SECTM1: variants seen among roughly 807,000 people sequenced by gnomAD.
SECTM1 encodes the protein secreted and transmembrane protein 1.
A neutral mutation model predicts 18.1 loss-of-function variants in SECTM1; 10 were observed. The ratio of observed to expected loss-of-function variants is 0.55; its 90% CI spans 0.34 to 0.94. SECTM1 has a LOEUF of 0.94. SECTM1 is among the 40% of genes least tolerant of loss of function. The pLI is 0.02. For synonymous variants in SECTM1, 137 were observed against 139.2 expected (o/e 0.98, Z 0.11); for missense variants, 297 against 322.6 (o/e 0.92, Z 0.61).
intron 3 of SECTM1, among the ~76,000 whole-genome samples, chr17:82,323,523 G>T (rs1346183100): frequency 6.8e-6 from 1 of 147,294 alleles, no homozygotes; most frequent in African/African-American, 2.5e-5. Context: ...GGCCGTGGAG[G>T]CTCCTGAGCT....
rs1263436325 is a variant in SECTM1, at chr17:82,330,902, G to A, written c.-53+2798C>T. On this transcript the variant is annotated intron_variant, in intron 1 of 4. Transcript: ENST00000269389. The surrounding 1 kb of genome is among the most constrained non-coding windows in gnomAD (Gnocchi z 6.1). Reference sequence around the variant, plus strand: ...GTCTCAGCCCCTGGCGGCCTGGACTGCACCGTTCCGGAGATGCTGCCTCCC... The same window carrying A: ...GTCTCAGCCCCTGGCGGCCTGGACTACACCGTTCCGGAGATGCTGCCTCCC... 6.6e-6 allele frequency among the ~76,000 whole-genome samples: 1 copy of A among 152,112 alleles called. No homozygotes were observed. The highest frequency in any genetic ancestry group is 1.5e-5 in the Non-Finnish European group (1 of 67,986).
rs527785012 is a variant in SECTM1, at chr17:82,328,866, G to A, written c.-52-1574C>T. On this transcript the variant is annotated intron_variant, in intron 1 of 4. Transcript: ENST00000269389. This position sits in a 1 kb window ranked among gnomAD's most constrained non-coding sequence, Gnocchi z 5.8. ...GCTAGGAAAAGTCCCTAGGTAGGGC[G>A]GCAACTCCAGCCCTGCCTCTCCCAG... Among the ~76,000 whole-genome samples the A allele has an allele frequency of 2.0e-5, 3 of 152,234 alleles. No homozygotes were observed. Among genetic ancestry groups the A allele is most frequent in the South Asian group, 2.1e-4 (1 of 4,828 alleles).
In SECTM1 at chr17:82,324,517, G is replaced by GCCCCCC; in HGVS notation, c.403+64_403+65insGGGGGG. On this transcript the variant is annotated intron_variant, in intron 3 of 4. Coordinates refer to ENST00000269389, the MANE Select transcript of SECTM1 (RefSeq NM_003004.3). ...CAGTCTCAGCCCTCCCCCTGCCCAG[G>GCCCCCC]CCCCCTCCCCTCCCCGTGTCCCCTC... 4 of 604,114 alleles carry GCCCCCC rather than the reference G, an allele frequency of 6.6e-6. No homozygotes were observed. The South Asian group carries it at 8.8e-5, about 13-fold the overall frequency. 37.4% of individuals were successfully genotyped at this position (604,114 alleles called of 1,614,324 possible).
At chr17:82,333,207 T>G (rs1015608882) in intron 1 of SECTM1, among the ~76,000 whole-genome samples, 5 of 152,160 alleles carry the variant, frequency 3.3e-5, no homozygotes, top group Admixed American at 6.5e-5. Context: ...TATGAGCGAG[T>G]GCGTTTTGCT....
In SECTM1 at chr17:82,329,403, G is replaced by A. The variant is rs73999888; in HGVS notation, c.-52-2111C>T. On this transcript the variant is annotated intron_variant, in intron 1 of 4. Transcript: ENST00000269389. The surrounding 1 kb of genome is among the most constrained non-coding windows in gnomAD (Gnocchi z 7.6). ...CACATTGGCGCAGGCTGCGGGTGCC[G>A]TGTCCTGAGGTCTGGGTTCCCCACT... is the stretch of plus-strand genomic sequence containing the variant. The A allele has an allele frequency of 0.058, 8,809 of 152,342 alleles. 359 individuals are homozygous for A. The highest frequency in any genetic ancestry group is 0.11 in the African/African-American group (4,458 of 41,514). 9.4% of individuals were successfully genotyped at this position (152,342 alleles called of 1,614,324 possible).
At position 82,321,763 on chromosome 17, in the gene SECTM1, G is replaced by A. The variant is rs993938420; in HGVS notation, c.*398C>T. 6 of 220,250 alleles carry A rather than the reference G, an allele frequency of 2.7e-5. No homozygotes were observed. Among genetic ancestry groups the A allele is most frequent in the Admixed American group, 2.6e-4 (5 of 18,948 alleles). The allele number at this position is 220,250 out of a possible 1,614,324, so 13.6% of individuals were successfully genotyped here. A position where few individuals can be genotyped will look rare whatever the true frequency, so the allele number is the denominator to read the frequency against. ...GCCCCCCACAGCCCTGAACTGGAGT[G>A]TGTCTGAGGCTCCGGCAGGGGCCCC... On this transcript the variant is annotated 3_prime_UTR_variant, in exon 5 of 5. Coordinates refer to ENST00000269389, the MANE Select transcript of SECTM1 (RefSeq NM_003004.3).
Position 82,324,907 on chromosome 17 carries a change from A to T in SECTM1, c.95-17T>A. ...TGTCCCAGCCTGTAGGGCCAGACAG[A>T]GGCACACACGGATCAGGGCTGGACC... On this transcript the variant is annotated splice_polypyrimidine_tract_variant and intron_variant, in intron 2 of 4. Coordinates refer to ENST00000269389, the MANE Select transcript of SECTM1 (RefSeq NM_003004.3). 6.2e-7 allele frequency: 1 copy of T among 1,600,110 alleles called. No individual in the cohort carries two copies. Among genetic ancestry groups the T allele is most frequent in the Non-Finnish European group, 8.5e-7 (1 of 1,171,854 alleles).
rs377622987 is a variant in SECTM1 at position 82,329,183 on chromosome 17, C to G, written c.-52-1891G>C. ...CCCATTGCCCCAAGCGCTCCAACCC[C>G]CTGTGAACATGCCTCTAGTCATCCC... On this transcript the variant is annotated intron_variant, in intron 1 of 4. Coordinates refer to ENST00000269389, the MANE Select transcript of SECTM1 (RefSeq NM_003004.3). The surrounding 1 kb of genome is among the most constrained non-coding windows in gnomAD (Gnocchi z 7.6). 2 of 152,472 alleles carry G rather than the reference C, an allele frequency of 1.3e-5. No homozygotes were observed. The highest frequency in any genetic ancestry group is 2.9e-5 in the Non-Finnish European group (2 of 68,296). 9.4% of individuals were successfully genotyped at this position (152,472 alleles called of 1,614,324 possible). A position where few individuals can be genotyped will look rare whatever the true frequency, so the allele number is the denominator to read the frequency against.
At chr17:82,323,887 A>G (rs4789685) in intron 3 of SECTM1, among the ~76,000 whole-genome samples, 130,603 of 148,562 alleles carry the variant, frequency 0.88, 57,587 homozygotes, top group African/African-American at 0.93. Context: ...GTGGGGACAG[A>G]GAAGGGTCGG....
At chr17:82,333,840 G>C (rs979061898), upstream of SECTM1, 5 of 152,322 alleles carry the variant, frequency 3.3e-5, no homozygotes, top group East Asian at 1.9e-4. Context: ...TGAGGAAGGA[G>C]CTGGGTTTAC....
In SECTM1 at chr17:82,330,621, C is replaced by G. The variant is rs2052183819; in HGVS notation, c.-53+3079G>C. 6.6e-6 allele frequency among the ~76,000 whole-genome samples: 1 copy of G among 152,146 alleles called. No individual in the cohort carries two copies. Among genetic ancestry groups the G allele is most frequent in the Non-Finnish European group, 1.5e-5 (1 of 68,000 alleles). The stretch of plus-strand genomic sequence containing the variant: ...GCCTGGCAGTGGCTGCATCTGCCTC[C>G]CCTCCACCCTGAGTGTCCCAAGTCT... On this transcript the variant is annotated intron_variant, in intron 1 of 4. Coordinates refer to ENST00000269389, the MANE Select transcript of SECTM1 (RefSeq NM_003004.3). The surrounding 1 kb of genome is among the most constrained non-coding windows in gnomAD (Gnocchi z 6.1).
At chr17:82,331,354 G>GTCTGGGCT (rs2052190108) in intron 1 of SECTM1, among the ~76,000 whole-genome samples, 1 of 152,112 alleles carries the variant, frequency 6.6e-6, no homozygotes, top group Admixed American at 6.5e-5. Flanking sequence ...CCCCAGCTCT[G>GTCTGGGCT]TCTGGGCAGC....
Position 82,322,093 on chromosome 17 carries a change from CCAGGCCCCGCCA to C in SECTM1, c.*56_*67del. 6.5e-7 allele frequency: 1 copy of C among 1,528,250 alleles called. No homozygotes were observed. Among genetic ancestry groups the C allele is most frequent in the East Asian group, 2.3e-5 (1 of 44,378 alleles). 94.7% of individuals were successfully genotyped at this position (1,528,250 alleles called of 1,614,324 possible). ...GTGCCCTCCGGGTGGGACGAGAGAC[CCAGGCCCCGCCA>C]CCCAAGGTCGGCACTCAGGGCTGGC... is the stretch of plus-strand genomic sequence containing the variant. On this transcript the variant is annotated 3_prime_UTR_variant, in exon 5 of 5. Coordinates refer to ENST00000269389, the MANE Select transcript of SECTM1 (RefSeq NM_003004.3).
intron 3 of SECTM1, chr17:82,323,242 G>A (rs1192850348): frequency 7.2e-6 from 4 of 555,160 alleles, no homozygotes; most frequent in East Asian, 3.0e-5. Flanking sequence ...TCGGGGCAGC[G>A]AGGGAAACAT....
rs202089016 is a variant in SECTM1, at chr17:82,324,775, G to A, written c.210C>T (p.Ala70=). The A allele has an allele frequency of 3.3e-5, 53 of 1,614,114 alleles. No homozygotes were observed. The highest frequency in any genetic ancestry group is 3.3e-4 in the Middle Eastern group (2 of 6,062). Residue 70 remains alanine (A), a synonymous_variant, in exon 3 of 5, where the codon GCC becomes GCT. Transcript: ENST00000269389. Reference sequence around the variant, plus strand: ...TGAAGATGGCGCTCTCCTGCCCGTGGGCACGCAGCTTGATGTTGACATGGG... The same window carrying A: ...TGAAGATGGCGCTCTCCTGCCCGTGAGCACGCAGCTTGATGTTGACATGGG... ...AFSHVNIKLR[A]HGQESAIFNE...
At position 82,330,074 on chromosome 17, in the gene SECTM1, G is replaced by A. The variant is rs745494983; in HGVS notation, c.-52-2782C>T. On this transcript the variant is annotated intron_variant, in intron 1 of 4. Transcript: ENST00000269389. The surrounding 1 kb of genome is among the most constrained non-coding windows in gnomAD (Gnocchi z 6.1). ...GCCACCTGCAGACCCCTGCATGGAG[G>A]TGAGGTTCACACAAGGAGACCCCAG... 1.3e-5 allele frequency among the ~76,000 whole-genome samples: 2 copies of A among 152,182 alleles called. No homozygotes were observed. Among genetic ancestry groups the A allele is most frequent in the African/African-American group, 2.4e-5 (1 of 41,454 alleles).
rs144751805 is a variant in SECTM1, at chr17:82,327,838, G to C, written c.-52-546C>G. Among the ~76,000 whole-genome samples the C allele has an allele frequency of 6.1e-3, 923 of 152,090 alleles. 13 individuals carry two copies. Among genetic ancestry groups the C allele is most frequent in the African/African-American group, 0.021 (870 of 41,458 alleles). On this transcript the variant is annotated intron_variant, in intron 1 of 4. Transcript: ENST00000269389. ...CTCGTGGGTCCTGTCCAGACCTCCAGTCACTCACAGAGACCCTCACATGAC... is the reference window on the plus strand; with the variant it reads ...CTCGTGGGTCCTGTCCAGACCTCCACTCACTCACAGAGACCCTCACATGAC...
chr17:82,322,121 C>T lies in SECTM1; in HGVS notation c.*40G>A, dbSNP rs1280100965. On this transcript the variant is annotated 3_prime_UTR_variant, in exon 5 of 5. Coordinates refer to ENST00000269389, the MANE Select transcript of SECTM1 (RefSeq NM_003004.3). ...GGCCCCGCCACCCAAGGTCGGCACT[C>T]AGGGCTGGCTCTCCTGTGTCCTCTC... 1.9e-6 allele frequency: 3 copies of T among 1,606,314 alleles called. No homozygotes were observed. The Admixed American group carries it at 5.0e-5, about 27-fold the overall frequency.
At chr17:82,331,605 G>A (rs1468622930) in intron 1 of SECTM1, among the ~76,000 whole-genome samples, 1 of 152,232 alleles carries the variant, frequency 6.6e-6, no homozygotes, top group East Asian at 1.9e-4. Context: ...GTTTTTGTTG[G>A]CAGCTCTGCC....
Sources: allele counts gnomAD v4.1 joint callset (sites outside exome capture counted in the v4.1 genomes callset), GRCh38; gene constraint gnomAD v4.1.1; non-coding constraint Gnocchi (gnomAD v3.1); transcripts MANE v1.5; gene names NCBI Gene and HGNC (gene_info 2026-07-23, HGNC 2026-07-21).